RPS6KC1: variants seen among roughly 807,000 people sequenced by gnomAD.
RPS6KC1 encodes inactive ribosomal protein S6 kinase delta-1.
In RPS6KC1, 54 loss-of-function variants were observed where a neutral mutation model predicts 103.8. That is an observed-to-expected ratio of 0.52 (90% CI 0.42 to 0.65). The LOEUF (loss-of-function observed/expected upper bound fraction) is 0.65. RPS6KC1 is among the 30% of genes least tolerant of loss of function. The pLI is 0.00. For synonymous variants in RPS6KC1, 439 were observed against 438.7 expected, an observed-to-expected ratio of 1.00 and a Z score of -0.01; for missense variants, 1,151 against 1,253.8, an observed-to-expected ratio of 0.92 and a Z score of 1.24.
chr1:213,412,486 ATTTCTGTATG>A, the RPS6KC1 span, among the ~76,000 whole-genome samples: 3 of 152,260 alleles, frequency 2.0e-5, no homozygotes, highest in Non-Finnish European at 4.4e-5. Context: ...GCTTCTTGAC[ATTTCTGTATG>A]TTTCCTGCTT....
the RPS6KC1 span, among the ~76,000 whole-genome samples, chr1:213,346,711 G>A: frequency 6.6e-6 from 1 of 152,008 alleles, no homozygotes; most frequent in Non-Finnish European, 1.5e-5. Flanking sequence ...ATATCATACT[G>A]TTTACATAAA....
chr1:213,698,882 A>G, the RPS6KC1 span, among the ~76,000 whole-genome samples: 1 of 151,172 alleles, frequency 6.6e-6, no homozygotes, highest in Non-Finnish European at 1.5e-5. Context: ...TTTGTCTTGT[A>G]TTATGTTTTC....
chr1:213,152,284 C>G (rs1259326651), intron 6 of RPS6KC1, among the ~76,000 whole-genome samples: 2 of 147,514 alleles, frequency 1.4e-5, no homozygotes, highest in Non-Finnish European at 3.0e-5. Context: ...GGGGGCTGAT[C>G]CCCCTACCTC....
At chr1:213,454,331 CTTATTT>C in the RPS6KC1 span, among the ~76,000 whole-genome samples, 6 of 152,146 alleles carry the variant, frequency 3.9e-5, no homozygotes, top group Non-Finnish European at 5.9e-5. Context: ...ACATTTAATA[CTTATTT>C]TTAGAGGATA....
chr1:213,402,902 C>G, the RPS6KC1 span, among the ~76,000 whole-genome samples: 2 of 143,278 alleles, frequency 1.4e-5, no homozygotes, highest in East Asian at 2.1e-4. Flanking sequence ...ATCACAAGGT[C>G]AGGAGACAGA....
intron 3 of RPS6KC1, among the ~76,000 whole-genome samples, chr1:213,081,754 A>T (rs1437018750): frequency 6.6e-6 from 1 of 151,412 alleles, no homozygotes; most frequent in Non-Finnish European, 1.5e-5. Context: ...AGAGGCCCAC[A>T]TGGTGAGGAA....
At chr1:213,216,766 T>G (rs1189474817) in intron 8 of RPS6KC1, among the ~76,000 whole-genome samples, 3 of 152,180 alleles carry the variant, frequency 2.0e-5, no homozygotes, top group African/African-American at 7.2e-5. Context: ...TGCTCCTGAA[T>G]GACTACTGGG....
intron 12 of RPS6KC1, among the ~76,000 whole-genome samples, chr1:213,243,367 G>A (rs1406684983): frequency 6.6e-6 from 1 of 151,806 alleles, no homozygotes; most frequent in African/African-American, 2.4e-5. Flanking sequence ...CAATCCTCCT[G>A]CCCCAGCCTC....
chr1:213,096,291 G>A (rs2081445156), intron 3 of RPS6KC1, among the ~76,000 whole-genome samples: 1 of 152,164 alleles, frequency 6.6e-6, no homozygotes, highest in South Asian at 2.1e-4. Flanking sequence ...TCCTCTTCCA[G>A]TTTTCATTCT....
the RPS6KC1 span, among the ~76,000 whole-genome samples, chr1:213,524,811 G>A: frequency 7.7e-6 from 1 of 129,558 alleles, no homozygotes; most frequent in African/African-American, 2.9e-5. Flanking sequence ...TTCCTATAAA[G>A]TTGTTTGATC....
chr1:213,217,170 T>TA (rs2093688145), intron 8 of RPS6KC1, among the ~76,000 whole-genome samples: 1 of 151,208 alleles, frequency 6.6e-6, no homozygotes, highest in Non-Finnish European at 1.5e-5. Flanking sequence ...ATAGACACAA[T>TA]AAAAAATGAT....
chr1:213,547,018 G>A, the RPS6KC1 span, among the ~76,000 whole-genome samples: 1 of 152,120 alleles, frequency 6.6e-6, no homozygotes. Context: ...TGATAGGTTT[G>A]CAGACTTTCC....
chr1:213,360,463 C>CT, the RPS6KC1 span, among the ~76,000 whole-genome samples: 3 of 152,116 alleles, frequency 2.0e-5, no homozygotes, highest in Non-Finnish European at 4.4e-5. Flanking sequence ...TTAGTCTAAT[C>CT]TTTTTTCAAG....
the RPS6KC1 span, among the ~76,000 whole-genome samples, chr1:213,668,440 G>C: frequency 1.6e-5 from 2 of 123,290 alleles, no homozygotes; most frequent in Non-Finnish European, 3.1e-5. Context: ...GGTCTTAATA[G>C]TGTGCTTAAA....
the RPS6KC1 span, among the ~76,000 whole-genome samples, chr1:213,424,646 C>A: frequency 6.6e-6 from 1 of 152,370 alleles, no homozygotes; most frequent in East Asian, 1.9e-4. Context: ...GCTCTCCTGG[C>A]TGGAATACCA....
the RPS6KC1 span, among the ~76,000 whole-genome samples, chr1:213,732,820 G>A: frequency 2.6e-4 from 40 of 152,102 alleles, no homozygotes; most frequent in African/African-American, 9.7e-4. Flanking sequence ...CCCAATCTCA[G>A]CCCCTAGTAA....
the RPS6KC1 span, among the ~76,000 whole-genome samples, chr1:213,603,499 T>C: frequency 6.6e-6 from 1 of 152,228 alleles, no homozygotes; most frequent in Non-Finnish European, 1.5e-5. Flanking sequence ...AAGCTGGCCT[T>C]GATGTTATAC....
chr1:213,170,183 C>T (rs1265233067), intron 7 of RPS6KC1, among the ~76,000 whole-genome samples: 1 of 152,150 alleles, frequency 6.6e-6, no homozygotes, highest in African/African-American at 2.4e-5. Flanking sequence ...TGTAATCCTC[C>T]TACTTTTGCA....
chr1:213,854,098 C>T, the RPS6KC1 span, among the ~76,000 whole-genome samples: 2 of 152,136 alleles, frequency 1.3e-5, no homozygotes, highest in African/African-American at 2.4e-5. Flanking sequence ...GGCAAGAAAG[C>T]GGGAGATGTA....
Sources: gnomAD v4.1 joint callset for allele counts (sites outside exome capture counted in the v4.1 genomes callset) on GRCh38, gnomAD v4.1.1 for gene constraint, MANE v1.5 for transcripts, NCBI Gene and HGNC (gene_info 2026-07-23, HGNC 2026-07-21) for gene names.